Variants in ATP2C2 observed in about 807,000 individuals in gnomAD.
The protein encoded by ATP2C2 is ATPase secretory pathway Ca2+ transporting 2.
Under a neutral mutation model 110.8 loss-of-function variants are expected in ATP2C2, and 171 were observed. That is an observed-to-expected ratio of 1.54 (90% confidence interval 1.36 to 1.75). ATP2C2 has a LOEUF of 1.75. ATP2C2 is among the 40% of genes most tolerant of loss of function. ATP2C2 has a pLI of 0.00. For synonymous variants in ATP2C2, 804 were observed against 508.4 expected (o/e 1.58, Z -7.82); for missense variants, 1,963 against 1,235.0 (o/e 1.59, Z -8.84).
At position 84,419,210 on chromosome 16, in the gene ATP2C2, A is replaced by T. The variant is rs1477800061; in HGVS notation, c.625-3180A>T. Among the ~76,000 whole-genome samples the T allele has an allele frequency of 3.8e-5, 3 of 79,482 alleles. No homozygotes were observed. The East Asian group carries it at 1.7e-3, about 45-fold the overall frequency. The allele number at this position is 79,482 out of a possible 152,430, so 52.1% of individuals were successfully genotyped here. A position where few individuals can be genotyped will look rare whatever the true frequency, so the allele number is the denominator to read the frequency against. The stretch of plus-strand genomic sequence containing the variant: ...GTGACAGAGTGAGACCCCATCTTTA[A>T]AAAAAAAAAAAAAAAAAAAAAAAAA... On this transcript the variant is annotated intron_variant, in intron 7 of 26. Coordinates refer to ENST00000262429, the MANE Select transcript of ATP2C2 (RefSeq NM_014861.4).
chr16:84,454,675 A>G (rs1355330714), intron 20 of ATP2C2, 143 bp from the exon 21 acceptor site: 3 of 844,850 alleles, frequency 3.6e-6, no homozygotes, highest in Non-Finnish European at 5.2e-6. Flanking sequence ...CCCAATTCCC[A>G]CAGCTAATGT....
At position 84,422,555 on chromosome 16, in the gene ATP2C2, C is replaced by A; in HGVS notation, c.774+16C>A. Reference sequence around the variant, plus strand: ...GAGGGGCCAGGTAAGCCCTGGGACACCGAGGCCTTGGGCTCCCGTAACCCA... The same window carrying A: ...GAGGGGCCAGGTAAGCCCTGGGACAACGAGGCCTTGGGCTCCCGTAACCCA... On this transcript the variant is annotated intron_variant, in intron 8 of 26. Transcript: ENST00000262429. 1 of 1,612,778 alleles carries A rather than the reference C, an allele frequency of 6.2e-7. No individual in the cohort carries two copies. Among genetic ancestry groups the A allele is most frequent in the Non-Finnish European group, 8.5e-7 (1 of 1,179,316 alleles).
chr16:84,384,904 C>T (rs1904299958), intron 1 of ATP2C2, among the ~76,000 whole-genome samples: 1 of 152,106 alleles, frequency 6.6e-6, no homozygotes, highest in South Asian at 2.1e-4. Context: ...ACAAAATTAG[C>T]CGGGCTTGGT....
chr16:84,448,811 G>A, intron 17 of ATP2C2, 122 bp downstream of exon 17: 1 of 1,342,442 alleles, frequency 7.4e-7, no homozygotes, highest in Non-Finnish European at 1.0e-6. Flanking sequence ...GCAGCATGCT[G>A]ACGGCAATAA....
chr16:84,433,543 C>T (rs1908466838), intron 11 of ATP2C2, among the ~76,000 whole-genome samples: 2 of 151,942 alleles, frequency 1.3e-5, no homozygotes, highest in South Asian at 4.2e-4. Flanking sequence ...GTCCCAGCTA[C>T]TCAGGGGCTG....
chr16:84,382,297 C>A (rs899717740), intron 1 of ATP2C2, among the ~76,000 whole-genome samples: 2 of 152,150 alleles, frequency 1.3e-5, no homozygotes, highest in Non-Finnish European at 2.9e-5. Context: ...CATCCATGTC[C>A]CTGCAAAGGA....
intron 3 of ATP2C2, among the ~76,000 whole-genome samples, chr16:84,406,804 C>T (rs1399551784): frequency 1.3e-5 from 2 of 152,114 alleles, no homozygotes; most frequent in Non-Finnish European, 2.9e-5. Context: ...TCTCTTTGCT[C>T]TGCCCTGGCA....
rs913372292 is a variant in ATP2C2 at position 84,371,370 on chromosome 16, T to C, written c.99+2656T>C. ...CATCTCTGCAAAAAATTAGGCGTGGTGGTGTGCACCTGTGGTCCTAGCTAC... is the reference window on the plus strand; with the variant it reads ...CATCTCTGCAAAAAATTAGGCGTGGCGGTGTGCACCTGTGGTCCTAGCTAC... On this transcript the variant is annotated intron_variant, in intron 1 of 26. Coordinates refer to ENST00000262429, the MANE Select transcript of ATP2C2 (RefSeq NM_014861.4). 1.1e-4 allele frequency among the ~76,000 whole-genome samples: 16 copies of C among 152,180 alleles called. No homozygotes were observed. The South Asian group carries it at 1.5e-3, about 14-fold the overall frequency.
rs1597806940 is a variant in ATP2C2 at position 84,422,480 on chromosome 16, C to G, written c.715C>G (p.Leu239Val). 2 of 1,614,132 alleles carry G rather than the reference C, an allele frequency of 1.2e-6. No individual in the cohort carries two copies. The highest frequency in any genetic ancestry group is 1.3e-5 in the African/African-American group (1 of 75,022). The change falls in exon 8 of 27, where the codon CTC becomes GTC. Residue 239 changes from leucine (L) to valine (V), a missense_variant. Coordinates refer to ENST00000262429, the MANE Select transcript of ATP2C2 (RefSeq NM_014861.4). ...TDSPLTGGGD[L>V]TTLSNIVFMG... ...CAGCCCCTTGACAGGCGGTGGGGACCTCACCACCCTCAGCAACATCGTCTT... is the reference window on the plus strand; with the variant it reads ...CAGCCCCTTGACAGGCGGTGGGGACGTCACCACCCTCAGCAACATCGTCTT...
intron 6 of ATP2C2, among the ~76,000 whole-genome samples, chr16:84,411,464 T>C (rs144188358): frequency 6.6e-6 from 1 of 152,284 alleles, no homozygotes; most frequent in Non-Finnish European, 1.5e-5. Context: ...TTTTTTAAGA[T>C]AGAGTCTTGC....
intron 15 of ATP2C2, among the ~76,000 whole-genome samples, chr16:84,445,956 G>C (rs949884700): frequency 6.6e-6 from 1 of 152,158 alleles, no homozygotes; most frequent in Non-Finnish European, 1.5e-5. Flanking sequence ...GTGGACGGGG[G>C]GCTGGCAAGG....
At position 84,440,894 on chromosome 16, in the gene ATP2C2, G is replaced by C; in HGVS notation, c.1247G>C (p.Cys416Ser). The change falls in exon 14 of 27, where the codon TGT becomes TCT. Residue 416 changes from cysteine (C) to serine (S), a missense_variant. Coordinates refer to ENST00000262429, the MANE Select transcript of ATP2C2 (RefSeq NM_014861.4). ...GGGTATGACGGTCAAGGGACTGTGT[G>C]TCTTCTACCATCCAAGGAAGTCATT... The part of the protein sequence containing the change: ...GVGYDGQGTV[C>S]LLPSKEVIKE... 1 of 1,613,630 alleles carries C rather than the reference G, an allele frequency of 6.2e-7. No homozygotes were observed. The highest frequency in any genetic ancestry group is 8.5e-7 in the Non-Finnish European group (1 of 1,179,968).
Position 84,462,105 on chromosome 16 carries a change from C to T in ATP2C2, c.2698C>T (p.Gln900Ter), listed in dbSNP as rs1038814810. The T allele has an allele frequency of 2.5e-6, 4 of 1,613,758 alleles. No homozygotes were observed. The African/African-American group carries it at 4.0e-5, about 16-fold the overall frequency. The change falls in exon 26 of 27, where the codon CAG (glutamine) becomes TAG (stop). Residue 900 changes from glutamine to a stop codon, truncating the protein, a stop_gained. Transcript: ENST00000262429. LOFTEE classifies it low-confidence loss of function (END_TRUNC). ...CATCCCCCCGCTGCAGAGGGTCTTC[C>T]AGACGGAGAACCTGGGAGCGCTTGG... ...IYIPPLQRVF[Q>*]TENLGALDLL...
intron 1 of ATP2C2, among the ~76,000 whole-genome samples, chr16:84,389,454 A>C: frequency 6.6e-6 from 1 of 152,098 alleles, no homozygotes; most frequent in East Asian, 1.9e-4. Flanking sequence ...ACACACAGTC[A>C]TGGTTGAATT....
At chr16:84,441,148 C>T (rs978041120) in intron 14 of ATP2C2, among the ~76,000 whole-genome samples, 190 bp downstream of exon 14, 2 of 152,206 alleles carry the variant, frequency 1.3e-5, no homozygotes, top group Non-Finnish European at 2.9e-5. Flanking sequence ...AAGACGACAG[C>T]TAGGCTGGGC....
At chr16:84,445,715 G>C (rs1305208723) in intron 15 of ATP2C2, among the ~76,000 whole-genome samples, 1 of 152,216 alleles carries the variant, frequency 6.6e-6, no homozygotes, top group African/African-American at 2.4e-5. Context: ...CCCTCCCCAT[G>C]AAATTTAATA....
At chr16:84,426,200 G>T in intron 11 of ATP2C2, 1 of 209,592 alleles carries the variant, frequency 4.8e-6, no homozygotes, top group Non-Finnish European at 9.8e-6. Flanking sequence ...AAGGGGAAGG[G>T]GGAGCAGGCA....
At chr16:84,459,662 T>G in intron 23 of ATP2C2, 1 of 1,365,710 alleles carries the variant, frequency 7.3e-7, no homozygotes, top group Non-Finnish European at 1.0e-6. Flanking sequence ...CTCATTCTCA[T>G]GCTTCATTCC....
chr16:84,440,723 T>G (rs1909170604), intron 13 of ATP2C2, 134 bp from the exon 14 acceptor site: 1 of 678,694 alleles, frequency 1.5e-6, no homozygotes, highest in Admixed American at 2.4e-5. Flanking sequence ...TCAGAGAACA[T>G]CTTCATACTG....
Sources: allele counts gnomAD v4.1 joint callset (sites outside exome capture counted in the v4.1 genomes callset), GRCh38; gene constraint gnomAD v4.1.1; transcripts MANE v1.5; gene names NCBI Gene and HGNC (gene_info 2026-07-23, HGNC 2026-07-21).